PCDH15: variants seen among roughly 807,000 people sequenced by gnomAD.
PCDH15 encodes protocadherin-15.
A neutral mutation model predicts 178.5 loss-of-function variants in PCDH15; 129 were observed. The ratio of observed to expected loss-of-function variants is 0.72; its 90% CI spans 0.63 to 0.84. PCDH15 has a LOEUF of 0.84. PCDH15 is among the 40% of genes least tolerant of loss of function. The pLI is 0.00. For missense variants in PCDH15, 2,230 were observed against 2,099.9 expected, an observed-to-expected ratio of 1.06 and a Z score of -1.21; for synonymous variants, 800 against 732.0, an observed-to-expected ratio of 1.09 and a Z score of -1.50.
chr10:54,908,857 A>C (rs1319904162), intron 2 of PCDH15, among the ~76,000 whole-genome samples: 4 of 151,250 alleles, frequency 2.6e-5, no homozygotes, highest in African/African-American at 7.3e-5. Context: ...TTCAGCTCTC[A>C]GGGGAGAGGG....
chr10:54,010,578 G>A (rs914563073), intron 20 of PCDH15, among the ~76,000 whole-genome samples: 1 of 152,178 alleles, frequency 6.6e-6, no homozygotes, highest in African/African-American at 2.4e-5. Flanking sequence ...ACTGCCCAGT[G>A]CCTCTGGACT....
At chr10:54,958,037 T>A (rs1191996585) in intron 2 of PCDH15, among the ~76,000 whole-genome samples, 1 of 151,766 alleles carries the variant, frequency 6.6e-6, no homozygotes, top group East Asian at 1.9e-4. Flanking sequence ...ATTAGCAAAC[T>A]TTGCTAACTC....
intron 1 of PCDH15, among the ~76,000 whole-genome samples, chr10:54,733,433 T>C (rs1456926074): frequency 6.6e-6 from 1 of 151,526 alleles, no homozygotes; most frequent in Non-Finnish European, 1.5e-5. Context: ...TGATCTATAT[T>C]CAGAAAAATA....
At chr10:54,885,271 G>C (rs1201617869) in intron 3 of PCDH15, among the ~76,000 whole-genome samples, 1 of 151,966 alleles carries the variant, frequency 6.6e-6, no homozygotes, top group Non-Finnish European at 1.5e-5. Context: ...GAAGGGGGAA[G>C]GGAAACAAAC....
At chr10:54,369,304 A>T in intron 4 of PCDH15, 29 bp from the exon 5 acceptor site, 1 of 1,606,208 alleles carries the variant, frequency 6.2e-7, no homozygotes, top group East Asian at 2.2e-5. Context: ...ATCTTTTAAA[A>T]TACTAATTAA....
intron 1 of PCDH15, among the ~76,000 whole-genome samples, chr10:55,215,798 T>G (rs1840687272): frequency 6.6e-6 from 1 of 152,026 alleles, no homozygotes. Flanking sequence ...TTCAGTTGTC[T>G]GTGATTCTAG....
chr10:54,677,246 GCACACAC>G (rs2094806386), intron 1 of PCDH15, among the ~76,000 whole-genome samples: 1 of 152,026 alleles, frequency 6.6e-6, no homozygotes, highest in Non-Finnish European at 1.5e-5. Flanking sequence ...GGGAGTAAGG[GCACACAC>G]CTGAAGTCCT....
At chr10:54,307,886 A>T (rs2060651345) in intron 8 of PCDH15, among the ~76,000 whole-genome samples, 1 of 152,046 alleles carries the variant, frequency 6.6e-6, no homozygotes, top group South Asian at 2.1e-4. Context: ...AGTAAACACC[A>T]AGCAGACGAA....
In PCDH15 at chr10:54,089,983, C is replaced by T. The variant is rs763797356; in HGVS notation, c.1997+1G>A. The stretch of plus-strand genomic sequence containing the variant: ...AAAGTAGGAAATCATTTTTAACTTA[C>T]GTTTCTGAAAGATTAAAAACTCTCT... On this transcript the variant is annotated splice_donor_variant, in intron 16 of 37. Transcript: ENST00000644397. LOFTEE classifies it high-confidence loss of function. 1.3e-5 allele frequency: 21 copies of T among 1,601,786 alleles called. No homozygotes were observed. Among genetic ancestry groups the T allele is most frequent in the East Asian group, 2.2e-5 (1 of 44,754 alleles).
chr10:55,123,060 A>G (rs1466103393), intron 2 of PCDH15, among the ~76,000 whole-genome samples: 1 of 152,098 alleles, frequency 6.6e-6, no homozygotes, highest in African/African-American at 2.4e-5. Context: ...TGGAACATGG[A>G]AAAAGGTAGG....
intron 2 of PCDH15, among the ~76,000 whole-genome samples, chr10:54,533,199 A>G (rs1463185605): frequency 2.6e-5 from 4 of 152,138 alleles, no homozygotes; most frequent in South Asian, 4.1e-4. Context: ...ACTTGTTTAT[A>G]TTTTGTTTAG....
intron 2 of PCDH15, among the ~76,000 whole-genome samples, chr10:54,915,580 T>C (rs1349866707): frequency 3.9e-5 from 6 of 152,128 alleles, no homozygotes; most frequent in African/African-American, 1.2e-4. Context: ...GGGTGACTGA[T>C]AGGTGTGCAC....
intron 3 of PCDH15, among the ~76,000 whole-genome samples, chr10:54,889,877 AG>A (rs2131814768): frequency 6.6e-6 from 1 of 152,044 alleles, no homozygotes; most frequent in Admixed American, 6.6e-5. Flanking sequence ...GAGAGGGCAA[AG>A]TACTTCCTTA....
chr10:55,332,388 C>G (rs1340327810), intron 2 of PCDH15, among the ~76,000 whole-genome samples: 1 of 151,888 alleles, frequency 6.6e-6, no homozygotes, highest in African/African-American at 2.4e-5. Context: ...GAAGAGGTCC[C>G]CCATTGGCAA....
At position 55,253,257 on chromosome 10, in the gene PCDH15, T is replaced by A. The variant is rs868694500; in HGVS notation, c.-156+66342A>T. On this transcript the variant is annotated intron_variant, in intron 1 of 5. Coordinates refer to the PCDH15 transcript ENST00000458638. ...GTGTGTGTGTGTGTGTGCGTGTGTG[T>A]GTGTGTGTGTGTGCATGCAAGTAAG... Among the ~76,000 whole-genome samples the A allele has an allele frequency of 7.2e-3, 1,094 of 151,428 alleles. 11 individuals carry two copies. The highest frequency in any genetic ancestry group is 0.025 in the African/African-American group (1,042 of 41,294).
intron 26 of PCDH15, among the ~76,000 whole-genome samples, chr10:53,895,066 A>G (rs2081858767): frequency 6.6e-6 from 1 of 152,178 alleles, no homozygotes; most frequent in East Asian, 1.9e-4. Context: ...CTACTTGGGG[A>G]AAATACATTA....
At chr10:54,792,224 G>T (rs1951485451) in intron 1 of PCDH15, among the ~76,000 whole-genome samples, 1 of 151,830 alleles carries the variant, frequency 6.6e-6, no homozygotes, top group Non-Finnish European at 1.5e-5. Context: ...AAAAGTTTTG[G>T]GAAATACTTG....
intron 2 of PCDH15, among the ~76,000 whole-genome samples, chr10:55,368,551 T>C (rs1845421183): frequency 6.6e-6 from 1 of 152,156 alleles, no homozygotes; most frequent in Non-Finnish European, 1.5e-5. Flanking sequence ...GTCACTGAAA[T>C]GTGTCTATGT....
chr10:54,483,365 CTTTA>C (rs1374697388), intron 3 of PCDH15, among the ~76,000 whole-genome samples: 1 of 151,642 alleles, frequency 6.6e-6, no homozygotes, highest in East Asian at 1.9e-4. Flanking sequence ...AGCAAAATTG[CTTTA>C]TTTATTTTAT....
Sources: gnomAD v4.1 joint callset for allele counts (sites outside exome capture counted in the v4.1 genomes callset) on GRCh38, gnomAD v4.1.1 for gene constraint, MANE v1.5 for transcripts, NCBI Gene and HGNC (gene_info 2026-07-23, HGNC 2026-07-21) for gene names.